Variants in TENM3 observed in about 807,000 individuals in gnomAD.
TENM3 encodes teneurin-3.
A neutral mutation model predicts 255.1 loss-of-function variants in TENM3; 63 were observed. The ratio of observed to expected loss-of-function variants is 0.25; its 90% CI spans 0.20 to 0.30. The LOEUF is 0.30. Ranked by LOEUF, TENM3 falls within the 10% of genes least tolerant of loss-of-function variation. The pLI, the probability that TENM3 is intolerant of heterozygous loss-of-function variation, is 1.00. For synonymous variants in TENM3, 1,306 were observed against 1,322.3 expected (o/e 0.99, Z 0.27); for missense variants, 2,929 against 3,461.1 (o/e 0.85, Z 3.86).
At chr4:182,287,791 G>A (rs758275847) in intron 1 of TENM3, among the ~76,000 whole-genome samples, 4 of 150,438 alleles carry the variant, frequency 2.7e-5, no homozygotes, top group Non-Finnish European at 4.4e-5. Context: ...TTTTGTTTTC[G>A]TATTTTTAGT....
chr4:181,908,715 C>T, the TENM3 span, among the ~76,000 whole-genome samples: 3 of 152,054 alleles, frequency 2.0e-5, no homozygotes, highest in Non-Finnish European at 4.4e-5. Context: ...TTTTAATATG[C>T]ATTTTATGGA....
intron 3 of TENM3, among the ~76,000 whole-genome samples, chr4:182,430,582 T>C (rs1213400247): frequency 1.3e-5 from 2 of 151,846 alleles, no homozygotes; most frequent in African/African-American, 4.8e-5. Flanking sequence ...TAGAGTGGGT[T>C]GAAGAAAGGC....
At chr4:182,288,450 C>T (rs7684822) in intron 1 of TENM3, among the ~76,000 whole-genome samples, 4,326 of 152,232 alleles carry the variant, frequency 0.028, 203 homozygotes, top group African/African-American at 0.097. Context: ...CTAGTTTTCA[C>T]GTAAGTTCCT....
chr4:182,530,771 A>T lies in TENM3; in HGVS notation c.512-70153A>T, dbSNP rs539407767. Among the ~76,000 whole-genome samples, 8 of 152,286 alleles carry T rather than the reference A, an allele frequency of 5.3e-5. No individual in the cohort carries two copies. In the South Asian group the frequency reaches 1.7e-3, roughly 32 times the overall value. Reference sequence around the variant, plus strand: ...TAGAATTAGTAGGACTTGTTTATGGATTCCCTGTGAAGGTTGAGAAAAAGG... The same window carrying T: ...TAGAATTAGTAGGACTTGTTTATGGTTTCCCTGTGAAGGTTGAGAAAAAGG... On this transcript the variant is annotated intron_variant, in intron 3 of 27. Coordinates refer to ENST00000511685, the MANE Select transcript of TENM3 (RefSeq NM_001080477.4).
the TENM3 span, among the ~76,000 whole-genome samples, chr4:181,704,126 C>A: frequency 1.3e-5 from 2 of 152,294 alleles, no homozygotes; most frequent in East Asian, 3.9e-4. Context: ...ATGCTTCCAT[C>A]TGGAGGCTGT....
chr4:182,204,035 C>A (rs925956102), intron 1 of TENM3, among the ~76,000 whole-genome samples: 14 of 152,134 alleles, frequency 9.2e-5, no homozygotes, highest in Non-Finnish European at 2.9e-5. Flanking sequence ...AGCATCAGAG[C>A]GCCGACAGTA....
chr4:182,018,520 CA>C, the TENM3 span, among the ~76,000 whole-genome samples: 1 of 152,062 alleles, frequency 6.6e-6, no homozygotes, highest in Admixed American at 6.5e-5. Flanking sequence ...CAAACTCTGA[CA>C]TTTTTTGACA....
the TENM3 span, among the ~76,000 whole-genome samples, chr4:181,491,124 A>G: frequency 9.0e-3 from 1,361 of 151,392 alleles, 16 homozygotes; most frequent in South Asian, 0.033. Flanking sequence ...TACCTGAAAA[A>G]AAAAGCTTTC....
chr4:182,741,232 C>A (rs915566036), intron 18 of TENM3, among the ~76,000 whole-genome samples: 7 of 152,214 alleles, frequency 4.6e-5, no homozygotes, highest in African/African-American at 1.7e-4. Context: ...ATAACCTCAG[C>A]CACAGGGTGA....
chr4:182,587,737 C>T (rs926874934), intron 3 of TENM3, among the ~76,000 whole-genome samples: 1 of 152,080 alleles, frequency 6.6e-6, no homozygotes, highest in Non-Finnish European at 1.5e-5. Context: ...TTGAAAGATG[C>T]ATCCTAGCCT....
chr4:182,611,184 A>T (rs1041572791), intron 4 of TENM3, among the ~76,000 whole-genome samples: 12 of 152,126 alleles, frequency 7.9e-5, no homozygotes, highest in Non-Finnish European at 1.8e-4. Context: ...TCTCCAAAAA[A>T]TTTTTTATTA....
chr4:182,194,607 T>C (rs1443925539), intron 1 of TENM3, among the ~76,000 whole-genome samples: 1 of 152,204 alleles, frequency 6.6e-6, no homozygotes, highest in African/African-American at 2.4e-5. Context: ...ATGTGATCTT[T>C]TTTTAACTCA....
At chr4:181,515,842 C>A in the TENM3 span, among the ~76,000 whole-genome samples, 2 of 152,144 alleles carry the variant, frequency 1.3e-5, no homozygotes, top group Non-Finnish European at 2.9e-5. Context: ...AATCCCCTTA[C>A]TGGGAATATA....
At chr4:181,695,862 G>C in the TENM3 span, among the ~76,000 whole-genome samples, 1 of 152,082 alleles carries the variant, frequency 6.6e-6, no homozygotes, top group Non-Finnish European at 1.5e-5. Flanking sequence ...ATTTGTGCCA[G>C]GGAAATGGGC....
At chr4:181,698,141 G>A in the TENM3 span, among the ~76,000 whole-genome samples, 1 of 151,606 alleles carries the variant, frequency 6.6e-6, no homozygotes, top group Admixed American at 6.6e-5. Context: ...TTGAAACCGG[G>A]AGGCGGAGGT....
chr4:182,526,117 T>A (rs1023609654), intron 3 of TENM3, among the ~76,000 whole-genome samples: 1 of 152,136 alleles, frequency 6.6e-6, no homozygotes, highest in Non-Finnish European at 1.5e-5. Context: ...GTAGCTGGGA[T>A]TACAGGCACG....
chr4:181,456,592 A>G, the TENM3 span, among the ~76,000 whole-genome samples: 1 of 151,884 alleles, frequency 6.6e-6, no homozygotes, highest in Non-Finnish European at 1.5e-5. Flanking sequence ...AGATGAGTAA[A>G]TGGGAGCTGG....
chr4:181,533,955 G>A, the TENM3 span, among the ~76,000 whole-genome samples: 9 of 152,028 alleles, frequency 5.9e-5, no homozygotes, highest in South Asian at 4.2e-4. Flanking sequence ...CACACCTCTG[G>A]AACACAATTA....
the TENM3 span, among the ~76,000 whole-genome samples, chr4:181,574,337 C>G: frequency 6.6e-6 from 1 of 151,884 alleles, no homozygotes; most frequent in Admixed American, 6.6e-5. Flanking sequence ...CGAGACCATC[C>G]TGGCTAACAA....
Sources: gnomAD v4.1 joint callset for allele counts (sites outside exome capture counted in the v4.1 genomes callset) on GRCh38, gnomAD v4.1.1 for gene constraint, MANE v1.5 for transcripts, NCBI Gene and HGNC (gene_info 2026-07-23, HGNC 2026-07-21) for gene names.